Variants in COLEC10 observed in about 807,000 individuals in gnomAD.
The protein encoded by COLEC10 is collectin subfamily member 10.
Under a neutral mutation model 28.4 loss-of-function variants are expected in COLEC10, and 22 were observed. That is an observed-to-expected ratio of 0.78 (90% confidence interval 0.55 to 1.11). The LOEUF (loss-of-function observed/expected upper bound fraction) is 1.11, where lower values mean the gene tolerates loss of function less well. Ranked by LOEUF, COLEC10 falls within the 50% of genes least tolerant of loss-of-function variation. The pLI is 0.00. For missense variants in COLEC10, 361 were observed against 344.1 expected (o/e 1.05, Z -0.39); for synonymous variants, 125 against 116.1 (o/e 1.08, Z -0.49).
chr8:119,025,882 T>C (rs1192482118), intron 2 of COLEC10, among the ~76,000 whole-genome samples: 1 of 152,180 alleles, frequency 6.6e-6, no homozygotes, highest in African/African-American at 2.4e-5. Context: ...CATCTCTAGA[T>C]TCTCACTATA....
intron 2 of COLEC10, among the ~76,000 whole-genome samples, chr8:119,041,854 A>G (rs1005986596): frequency 2.0e-5 from 3 of 152,162 alleles, no homozygotes; most frequent in African/African-American, 7.2e-5. Context: ...ATGTCAATCT[A>G]GAGTGGTGAA....
At chr8:119,045,802 A>T (rs919587504) in intron 2 of COLEC10, among the ~76,000 whole-genome samples, 1 of 152,100 alleles carries the variant, frequency 6.6e-6, no homozygotes, top group South Asian at 2.1e-4. Flanking sequence ...CATGTTTGCT[A>T]TTTTGGTTCT....
chr8:119,032,146 T>C (rs1037172160), intron 2 of COLEC10, among the ~76,000 whole-genome samples: 1 of 152,216 alleles, frequency 6.6e-6, no homozygotes, highest in Non-Finnish European at 1.5e-5. Flanking sequence ...TGGAAATCCG[T>C]GAATCTGGTT....
At chr8:119,028,353 A>G (rs1172215857) in intron 2 of COLEC10, among the ~76,000 whole-genome samples, 1 of 152,220 alleles carries the variant, frequency 6.6e-6, no homozygotes. Context: ...TAGTTCATTT[A>G]CATGCTGCTT....
At chr8:119,040,717 G>A (rs1814479016) in intron 2 of COLEC10, among the ~76,000 whole-genome samples, 1 of 152,182 alleles carries the variant, frequency 6.6e-6, no homozygotes, top group Admixed American at 6.5e-5. Context: ...ACAGATGTGG[G>A]CAGGAATAAA....
At chr8:119,089,527 G>A (rs990388260) in intron 1 of COLEC10, among the ~76,000 whole-genome samples, 153 bp from the exon 2 acceptor site, 1 of 152,166 alleles carries the variant, frequency 6.6e-6, no homozygotes. Flanking sequence ...TGATTGTCAA[G>A]TGCATGTGAA....
At chr8:118,958,534 G>A in the COLEC10 span, among the ~76,000 whole-genome samples, 4,077 of 152,218 alleles carry the variant, frequency 0.027, 170 homozygotes, top group African/African-American at 0.093. Context: ...GCAAGAAAAA[G>A]CCTCACGGCT....
chr8:118,994,544 C>T (rs1393835607), upstream of COLEC10, among the ~76,000 whole-genome samples: 1 of 152,166 alleles, frequency 6.6e-6, no homozygotes, highest in Non-Finnish European at 1.5e-5. Context: ...CAGTTATGAT[C>T]ACCATTGTTC....
At chr8:118,989,475 T>A in the COLEC10 span, among the ~76,000 whole-genome samples, 1 of 146,724 alleles carries the variant, frequency 6.8e-6, no homozygotes, top group Non-Finnish European at 1.5e-5. Flanking sequence ...ATACACCAAA[T>A]CATGGATTGA....
chr8:118,977,869 C>T, the COLEC10 span, among the ~76,000 whole-genome samples: 2 of 151,912 alleles, frequency 1.3e-5, no homozygotes, highest in African/African-American at 4.8e-5. Context: ...TCTCACACTC[C>T]TGTGATTTTA....
intron 2 of COLEC10, among the ~76,000 whole-genome samples, chr8:119,015,319 C>T (rs752484593): frequency 6.6e-6 from 1 of 150,684 alleles, no homozygotes. Flanking sequence ...CCACTGTCTG[C>T]CCATTAGGTA....
At chr8:119,085,599 C>CTTTTTTTTTTTTTTTTTTTTTTTTTTTTT (rs66829005) in intron 1 of COLEC10, among the ~76,000 whole-genome samples, 4 of 63,548 alleles carry the variant, frequency 6.3e-5, no homozygotes, top group Admixed American at 3.9e-4. Context: ...TCTTCTTCTT[C>CTTTTTTTTTTTTTTTTTTTTTTTTTTTTT]TTTTTTTTTT....
the COLEC10 span, among the ~76,000 whole-genome samples, chr8:118,961,015 G>A: frequency 1.3e-5 from 2 of 152,120 alleles, no homozygotes; most frequent in Non-Finnish European, 2.9e-5. Flanking sequence ...ATATCTTTAA[G>A]TAGGCATTAT....
chr8:119,095,225 T>C (rs917269286), intron 3 of COLEC10, among the ~76,000 whole-genome samples: 2 of 152,064 alleles, frequency 1.3e-5, no homozygotes, highest in African/African-American at 2.4e-5. Context: ...TAAGTAAATA[T>C]GTAAAAATAA....
At chr8:118,974,431 C>A in the COLEC10 span, among the ~76,000 whole-genome samples, 1 of 151,874 alleles carries the variant, frequency 6.6e-6, no homozygotes. Flanking sequence ...TGTGCTCTTA[C>A]CCCAAGGAAG....
upstream of COLEC10, among the ~76,000 whole-genome samples, chr8:119,065,717 G>C (rs1445348435): frequency 6.6e-6 from 1 of 151,736 alleles, no homozygotes; most frequent in East Asian, 1.9e-4. Flanking sequence ...AATTAGCCAG[G>C]TGCAGTGGTG....
chr8:119,046,031 A>G (rs1814578933), intron 2 of COLEC10, among the ~76,000 whole-genome samples: 1 of 152,184 alleles, frequency 6.6e-6, no homozygotes, highest in African/African-American at 2.4e-5. Context: ...TTAAAATTCT[A>G]TAGCTTTGGT....
intron 2 of COLEC10, among the ~76,000 whole-genome samples, chr8:119,019,837 A>C (rs1460221283): frequency 6.6e-6 from 1 of 152,218 alleles, no homozygotes; most frequent in Non-Finnish European, 1.5e-5. Context: ...TTGAAGGCCT[A>C]TACCAATAAA....
At chr8:119,001,983 C>T (rs921547863) in intron 1 of COLEC10, among the ~76,000 whole-genome samples, 1 of 152,142 alleles carries the variant, frequency 6.6e-6, no homozygotes, top group African/African-American at 2.4e-5. Context: ...ATTTAGCCCC[C>T]CATTCACAAA....
Sources: gnomAD v4.1 joint callset for allele counts (sites outside exome capture counted in the v4.1 genomes callset) on GRCh38, gnomAD v4.1.1 for gene constraint, MANE v1.5 for transcripts, NCBI Gene and HGNC (gene_info 2026-07-23, HGNC 2026-07-21) for gene names.